GRM5: variants seen among roughly 807,000 people sequenced by gnomAD.
GRM5 encodes metabotropic glutamate receptor 5.
GRM5 carries 19 observed loss-of-function variants against 83.1 expected under a neutral mutation model. The observed-to-expected ratio is 0.23, with a 90% CI of 0.16 to 0.34. The LOEUF is 0.34. GRM5 is among the 10% of genes least tolerant of loss of function. The probability of loss-of-function intolerance (pLI) is 1.00; values close to 1 mark genes in which losing one functional copy is unlikely to be tolerated. For synonymous variants in GRM5, 675 were observed against 633.6 expected (o/e 1.07, Z -0.98); for missense variants, 1,160 against 1,588.3 (o/e 0.73, Z 4.58).
chr11:88,730,827 A>G (rs1341820449), intron 3 of GRM5, among the ~76,000 whole-genome samples: 1 of 152,132 alleles, frequency 6.6e-6, no homozygotes, highest in Non-Finnish European at 1.5e-5. Context: ...ATGAGAACAC[A>G]TGGACACAGG....
intron 2 of GRM5, among the ~76,000 whole-genome samples, chr11:88,908,320 A>T (rs1945437951): frequency 6.6e-6 from 1 of 152,110 alleles, no homozygotes; most frequent in South Asian, 2.1e-4. Flanking sequence ...AATGGTCATA[A>T]TTCACCATAT....
chr11:88,514,784 C>T (rs928704374), intron 9 of GRM5, among the ~76,000 whole-genome samples: 1 of 152,064 alleles, frequency 6.6e-6, no homozygotes, highest in East Asian at 1.9e-4. Context: ...TGGATATTAA[C>T]GAGGCCTTAA....
intron 8 of GRM5, among the ~76,000 whole-genome samples, chr11:88,531,848 A>T (rs1441684770): frequency 1.3e-5 from 2 of 152,060 alleles, no homozygotes; most frequent in Non-Finnish European, 2.9e-5. Context: ...TTTCTCTCTC[A>T]CACTGACATC....
intron 3 of GRM5, among the ~76,000 whole-genome samples, chr11:88,748,212 C>T (rs1190981553): frequency 1.3e-5 from 2 of 152,130 alleles, no homozygotes; most frequent in Admixed American, 6.5e-5. Flanking sequence ...TGTGGAGTCT[C>T]AGCAGAGCAG....
chr11:88,751,091 A>C (rs1049407024), intron 3 of GRM5, among the ~76,000 whole-genome samples: 1 of 96,658 alleles, frequency 1.0e-5, no homozygotes, highest in Non-Finnish European at 3.1e-5. Flanking sequence ...AAAAAAAAAA[A>C]AAAACAAAGA....
intron 7 of GRM5, among the ~76,000 whole-genome samples, chr11:88,585,978 A>G (rs1356755145): frequency 2.6e-5 from 4 of 152,026 alleles, no homozygotes; most frequent in Non-Finnish European, 5.9e-5. Flanking sequence ...TTATTTGTCT[A>G]CCTAATTCTG....
At chr11:88,876,125 A>C (rs1313060673) in intron 2 of GRM5, among the ~76,000 whole-genome samples, 1 of 152,150 alleles carries the variant, frequency 6.6e-6, no homozygotes, top group African/African-American at 2.4e-5. Context: ...CTTTGTCTAC[A>C]TTGAAACTGT....
At chr11:88,823,038 T>G (rs939018893) in intron 3 of GRM5, among the ~76,000 whole-genome samples, 1 of 151,972 alleles carries the variant, frequency 6.6e-6, no homozygotes, top group African/African-American at 2.4e-5. Flanking sequence ...CTTTTGCAAG[T>G]TTTTCTTATT....
At chr11:88,590,770 A>T in intron 6 of GRM5, 43 bp from the exon 7 acceptor site, 1 of 1,543,074 alleles carries the variant, frequency 6.5e-7, no homozygotes, top group Non-Finnish European at 8.9e-7. Context: ...TTGCATAGAT[A>T]AAAATCCAAC....
intron 3 of GRM5, among the ~76,000 whole-genome samples, chr11:88,715,278 C>T (rs1365813654): frequency 6.6e-6 from 1 of 151,876 alleles, no homozygotes; most frequent in Non-Finnish European, 1.5e-5. Context: ...AAGTTAAGTA[C>T]TTTTCTTAGG....
chr11:88,779,038 T>C (rs1942919278), intron 3 of GRM5, among the ~76,000 whole-genome samples: 1 of 152,238 alleles, frequency 6.6e-6, no homozygotes, highest in Non-Finnish European at 1.5e-5. Context: ...TAATTTATTA[T>C]TGAGTTTAAT....
At chr11:88,532,604 C>T (rs1337457221) in intron 8 of GRM5, among the ~76,000 whole-genome samples, 2 of 152,088 alleles carry the variant, frequency 1.3e-5, no homozygotes, top group African/African-American at 4.8e-5. Flanking sequence ...AGCCCTCAAC[C>T]AACATTTTCT....
At chr11:88,736,670 C>T (rs1941920629) in intron 3 of GRM5, among the ~76,000 whole-genome samples, 1 of 152,018 alleles carries the variant, frequency 6.6e-6, no homozygotes, top group African/African-American at 2.4e-5. Context: ...TCTACTCAGG[C>T]ACATTTCCCT....
chr11:88,725,918 C>T (rs774206450), intron 3 of GRM5, among the ~76,000 whole-genome samples: 3 of 152,080 alleles, frequency 2.0e-5, no homozygotes, highest in South Asian at 2.1e-4. Flanking sequence ...GATAAATCCA[C>T]GAAGATGAGA....
At chr11:88,744,632 G>A (rs78433404) in intron 3 of GRM5, among the ~76,000 whole-genome samples, 2 of 152,158 alleles carry the variant, frequency 1.3e-5, no homozygotes, top group East Asian at 1.9e-4. Context: ...GGAAATTAAC[G>A]CTTCACAGCA....
intron 2 of GRM5, among the ~76,000 whole-genome samples, chr11:89,015,208 C>A (rs1015765468): frequency 1.9e-4 from 29 of 152,142 alleles, no homozygotes; most frequent in African/African-American, 4.6e-4. Flanking sequence ...ATTTCATAAG[C>A]CTATTTCAAA....
intron 4 of GRM5, among the ~76,000 whole-genome samples, chr11:88,625,356 C>G (rs1938763619): frequency 6.6e-6 from 1 of 152,090 alleles, no homozygotes; most frequent in Non-Finnish European, 1.5e-5. Context: ...GACTTTGAAT[C>G]CATAGTACCT....
chr11:88,509,500 T>G lies in GRM5; in HGVS notation c.2731A>C (p.Asn911His). The change falls in exon 10 of 10, where the codon AAT (asparagine) becomes CAT (histidine). Residue 911 changes from asparagine (N) to histidine (H), a missense_variant. By Grantham distance (68) the Asn-to-His change is moderately conservative (BLOSUM62 1). Transcript: ENST00000305447. ...NGGRATMSSS[N>H]GKSVTWAQNE... is the part of the protein sequence containing the mutation. ...TGGGCCCACGTGACGGATTTTCCAT[T>G]GGAACTGAGGAGAGAAGGGAGAGGA... 1 of 1,610,366 alleles carries G rather than the reference T, an allele frequency of 6.2e-7. No homozygotes were observed. Among genetic ancestry groups the G allele is most frequent in the Non-Finnish European group, 8.5e-7 (1 of 1,178,672 alleles).
intron 4 of GRM5, among the ~76,000 whole-genome samples, chr11:88,641,399 C>T (rs906878966): frequency 6.6e-6 from 1 of 151,860 alleles, no homozygotes; most frequent in Non-Finnish European, 1.5e-5. Context: ...TATTATGCTG[C>T]CCCTGGCCCC....
Sources: gnomAD v4.1 joint callset for allele counts (sites outside exome capture counted in the v4.1 genomes callset) on GRCh38, gnomAD v4.1.1 for gene constraint, MANE v1.5 for transcripts, NCBI Gene and HGNC (gene_info 2026-07-23, HGNC 2026-07-21) for gene names.